The following CNTRL variants were observed in gnomAD, a reference collection of about 807,000 sequenced individuals.
CNTRL encodes 110 kDa centrosomal protein.
Under a neutral mutation model 303.7 loss-of-function variants are expected in CNTRL, and 233 were observed. The ratio of observed to expected loss-of-function variants is 0.77; its 90% confidence interval spans 0.69 to 0.86. The LOEUF is 0.86. CNTRL is among the 40% of genes least tolerant of loss of function. The probability of loss-of-function intolerance (pLI) is 0.00; values close to 1 mark genes in which losing one functional copy is unlikely to be tolerated. For synonymous variants in CNTRL, 900 were observed against 922.2 expected (o/e 0.98, Z 0.44); for missense variants, 2,524 against 2,650.6 (o/e 0.95, Z 1.05).
chr9:121,082,746 T>C (rs1487419091), intron 2 of CNTRL, among the ~76,000 whole-genome samples: 1 of 152,048 alleles, frequency 6.6e-6, no homozygotes, highest in Non-Finnish European at 1.5e-5. Context: ...CCAAGGCACG[T>C]GGATCACAAG....
At chr9:121,166,295 G>C in intron 36 of CNTRL, 115 bp downstream of exon 36, 1 of 620,916 alleles carries the variant, frequency 1.6e-6, no homozygotes, top group Admixed American at 3.6e-5. Context: ...GATACCGTAG[G>C]GCCATTTATG....
chr9:121,171,503 G>T lies in CNTRL; in HGVS notation c.6372G>T (p.Lys2124Asn). ...DNHERARRLMKELNQMQYEYT... is the reference protein window; with the variant it reads ...DNHERARRLMNELNQMQYEYT... Reference sequence around the variant, plus strand: ...ATGAGCGGGCCAGGCGCCTGATGAAGGAGCTCAACCAGATGCAGTATGAGT... The same window carrying T: ...ATGAGCGGGCCAGGCGCCTGATGAATGAGCTCAACCAGATGCAGTATGAGT... The change falls in exon 40 of 44, where the codon AAG becomes AAT. Residue 2124 changes from lysine (K) to asparagine (N), a missense_variant. Physicochemically the swap from Lys to Asn is moderately conservative, Grantham distance 94. Transcript: ENST00000373855. 1 of 1,614,088 alleles carries T rather than the reference G, an allele frequency of 6.2e-7. No homozygotes were observed. The highest frequency in any genetic ancestry group is 8.5e-7 in the Non-Finnish European group (1 of 1,179,974).
chr9:121,166,257 A>G, intron 36 of CNTRL, 77 bp downstream of exon 36: 1 of 1,014,270 alleles, frequency 9.9e-7, no homozygotes, highest in South Asian at 1.6e-5. Flanking sequence ...AAAGAAATCA[A>G]GTAGGCTGGT....
intron 39 of CNTRL, 168 bp from the exon 40 acceptor site, chr9:121,171,240 G>A: frequency 1.4e-6 from 1 of 716,200 alleles, no homozygotes; most frequent in Non-Finnish European, 2.5e-6. Flanking sequence ...TATACGCCCA[G>A]CTGTATTTGA....
In CNTRL at chr9:121,090,399, A is replaced by G. The variant is rs201460318; in HGVS notation, c.342A>G (p.Lys114=). Residue 114 remains lysine, a synonymous_variant, in exon 4 of 44, where the codon AAA becomes AAG. Transcript: ENST00000373855. The part of the protein sequence containing the change: ...NLSLSKDGGK[K]FKYIENLEKC... ...CACTTTCTAAAGACGGTGGCAAGAA[A>G]TTTAAGGTAGGTTACCAACAATTTC... The G allele has an allele frequency of 4.3e-6, 7 of 1,609,924 alleles. No homozygotes were observed. Among genetic ancestry groups the G allele is most frequent in the Non-Finnish European group, 5.1e-6 (6 of 1,178,594 alleles).
In CNTRL at chr9:121,150,189, TAGTC is replaced by T. The variant is rs753998194; in HGVS notation, c.3672_3675del (p.Ser1224ArgfsTer21). On this transcript the variant is annotated frameshift_variant, in exon 25 of 44. Coordinates refer to ENST00000373855, the MANE Select transcript of CNTRL (RefSeq NM_007018.6). LOFTEE classifies it high-confidence loss of function. ...TTGAAGATGCAGACAGTGGAGGAGA[TAGTC>T]AGGAAGAGAGTGAGCTGGATGACCA... 2.9e-5 allele frequency: 47 copies of T among 1,611,784 alleles called. No individual in the cohort carries two copies. The highest frequency in any genetic ancestry group is 3.6e-5 in the Non-Finnish European group (42 of 1,178,528).
At chr9:121,098,745 T>C (rs1017370531) in intron 7 of CNTRL, among the ~76,000 whole-genome samples, 173 bp downstream of exon 7, 3 of 151,778 alleles carry the variant, frequency 2.0e-5, no homozygotes, top group Non-Finnish European at 2.9e-5. Flanking sequence ...ACCAGGCAAC[T>C]GGATTTGGCA....
chr9:121,144,807 A>C (rs200345219), intron 20 of CNTRL, 36 bp from the exon 21 acceptor site: 127 of 1,443,954 alleles, frequency 8.8e-5, no homozygotes, highest in Middle Eastern at 6.7e-4. Context: ...AACCTGTGAT[A>C]GCAGTGGTGC....
Position 121,157,927 on chromosome 9 carries a change from A to G in CNTRL, c.4637+47A>G, listed in dbSNP as rs776826079. ...CTACAAGGGGTTTGTGCTGGAAGAC[A>G]GCTCTGGGGTTCCGAGTCCCTTAGG... On this transcript the variant is annotated intron_variant, in intron 29 of 43. Coordinates refer to ENST00000373855, the MANE Select transcript of CNTRL (RefSeq NM_007018.6). 81 of 1,613,534 alleles carry G rather than the reference A, an allele frequency of 5.0e-5. 3 individuals are homozygous for G. In the South Asian group the frequency reaches 6.2e-4, roughly 12 times the overall value.
chr9:121,132,732 C>T (rs2050939732), intron 14 of CNTRL, among the ~76,000 whole-genome samples: 1 of 152,154 alleles, frequency 6.6e-6, no homozygotes, highest in South Asian at 2.1e-4. Flanking sequence ...TTAGAATTTT[C>T]AGCTTTTCTG....
rs2053385338 is a variant in CNTRL at position 121,173,314 on chromosome 9, G to A, written c.6489G>A (p.Glu2163=). 2 of 1,614,000 alleles carry A rather than the reference G, an allele frequency of 1.2e-6. No homozygotes were observed. Among genetic ancestry groups the A allele is most frequent in the Non-Finnish European group, 1.7e-6 (2 of 1,179,926 alleles). The part of the protein sequence containing the change: ...ISDAMRTLKS[E]VKDEIRTSLK... ...ATGCAATGAGGACACTTAAATCTGA[G>A]GTGAAGGATGAAATCAGAACCAGCT... The change falls in exon 41 of 44, where the codon GAG becomes GAA. Residue 2163 remains glutamate (E), a synonymous_variant. Coordinates refer to ENST00000373855, the MANE Select transcript of CNTRL (RefSeq NM_007018.6).
chr9:121,151,384 CTTCT>C (rs1267473989), intron 25 of CNTRL, among the ~76,000 whole-genome samples: 1 of 91,526 alleles, frequency 1.1e-5, no homozygotes, highest in Non-Finnish European at 2.2e-5. Flanking sequence ...CTTTTTTCTT[CTTCT>C]TTTTTTTTTT....
At chr9:121,152,729 GA>G in intron 26 of CNTRL, 36 bp downstream of exon 26, 1 of 1,446,142 alleles carries the variant, frequency 6.9e-7, no homozygotes, top group Non-Finnish European at 9.6e-7. Flanking sequence ...AGACAAATAC[GA>G]TATTAGTTCA....
At chr9:121,133,726 G>A (rs979438699) in intron 14 of CNTRL, among the ~76,000 whole-genome samples, 5 of 152,206 alleles carry the variant, frequency 3.3e-5, no homozygotes, top group East Asian at 3.8e-4. Context: ...ATCACCCGTC[G>A]TCTGCGTCGA....
At chr9:121,120,961 T>A (rs2050197609) in intron 12 of CNTRL, among the ~76,000 whole-genome samples, 1 of 152,220 alleles carries the variant, frequency 6.6e-6, no homozygotes, top group African/African-American at 2.4e-5. Flanking sequence ...AACATCTTTT[T>A]CTGATTCACA....
At chr9:121,159,608 C>G (rs904543758) in intron 31 of CNTRL, among the ~76,000 whole-genome samples, 1 of 151,654 alleles carries the variant, frequency 6.6e-6, no homozygotes, top group African/African-American at 2.4e-5. Context: ...ACTCTTGAAC[C>G]CGGGAGGCGG....
chr9:121,085,656 G>A (rs1419057460), intron 2 of CNTRL, among the ~76,000 whole-genome samples: 1 of 152,204 alleles, frequency 6.6e-6, no homozygotes, highest in Non-Finnish European at 1.5e-5. Flanking sequence ...TCTGTAGGAA[G>A]AAAGTAGATT....
At chr9:121,164,233 T>C (rs1175774685) in intron 34 of CNTRL, among the ~76,000 whole-genome samples, 1 of 152,154 alleles carries the variant, frequency 6.6e-6, no homozygotes, top group African/African-American at 2.4e-5. Flanking sequence ...GGAAGACAGT[T>C]TAACAGTTAC....
chr9:121,155,041 G>A, intron 27 of CNTRL, 128 bp downstream of exon 27: 1 of 795,236 alleles, frequency 1.3e-6, no homozygotes, highest in South Asian at 1.5e-5. Context: ...CCAGGTTCCA[G>A]GCTGGACTCT....
Sources: gnomAD v4.1 joint callset for allele counts (sites outside exome capture counted in the v4.1 genomes callset) on GRCh38, gnomAD v4.1.1 for gene constraint, MANE v1.5 for transcripts, NCBI Gene and HGNC (gene_info 2026-07-23, HGNC 2026-07-21) for gene names.